TRPM1: variants seen among roughly 807,000 people sequenced by gnomAD.
The protein encoded by TRPM1 is TRPM1-203 APA Isoform, Intron 10.
Under a neutral mutation model 149.4 loss-of-function variants are expected in TRPM1, and 113 were observed. That is an observed-to-expected ratio of 0.76 (90% CI 0.65 to 0.88). The LOEUF is 0.88. TRPM1 is among the 40% of genes least tolerant of loss of function. TRPM1 has a pLI of 0.00. For missense variants in TRPM1, 1,976 were observed against 2,038.7 expected, an observed-to-expected ratio of 0.97 and a Z score of 0.59; for synonymous variants, 741 against 759.5, an observed-to-expected ratio of 0.98 and a Z score of 0.40.
intron 27 of TRPM1, among the ~76,000 whole-genome samples, chr15:31,021,411 CAGG>C (rs1411955572): frequency 1.3e-5 from 2 of 152,128 alleles, no homozygotes; most frequent in Non-Finnish European, 2.9e-5. Flanking sequence ...GCAGGCAATC[CAGG>C]ATGGGGCATG....
At chr15:31,161,032 T>A in exon 1 of TRPM1, 6 of 1,418,248 alleles carry the variant, frequency 4.2e-6, no homozygotes, top group Admixed American at 2.0e-5. Flanking sequence ...GGGGCTGCCC[T>A]CCCTGGGTGG....
At chr15:31,129,359 C>G (rs369649548) in intron 1 of TRPM1, among the ~76,000 whole-genome samples, 13 of 152,322 alleles carry the variant, frequency 8.5e-5, no homozygotes, top group African/African-American at 3.1e-4. Flanking sequence ...GCCCTTTCCA[C>G]TTTGGGTCAT....
intron 1 of TRPM1, among the ~76,000 whole-genome samples, chr15:31,135,681 A>G (rs1338502169): frequency 6.6e-6 from 1 of 152,080 alleles, no homozygotes; most frequent in African/African-American, 2.4e-5. Context: ...TGGTGCCGTC[A>G]TCCTTGCAGT....
chr15:31,150,854 C>T (rs1165401526), intron 1 of TRPM1, among the ~76,000 whole-genome samples: 1 of 152,138 alleles, frequency 6.6e-6, no homozygotes, highest in African/African-American at 2.4e-5. Flanking sequence ...GTGACTTGCC[C>T]AGACATGCCT....
intron 1 of TRPM1, among the ~76,000 whole-genome samples, chr15:31,132,102 G>A (rs371898215): frequency 9.2e-5 from 14 of 152,152 alleles, no homozygotes; most frequent in Non-Finnish European, 1.8e-4. Flanking sequence ...GGGCCATTAC[G>A]CGGATTACCC....
intron 1 of TRPM1, among the ~76,000 whole-genome samples, chr15:31,127,784 C>T (rs538606051): frequency 2.0e-5 from 3 of 152,146 alleles, no homozygotes; most frequent in African/African-American, 2.4e-5. Flanking sequence ...GACTGTGAAA[C>T]GAGGGCAGCC....
At chr15:31,090,356 G>A (rs1321738866) in intron 1 of TRPM1, among the ~76,000 whole-genome samples, 1 of 152,084 alleles carries the variant, frequency 6.6e-6, no homozygotes, top group African/African-American at 2.4e-5. Context: ...CTGCATCCTG[G>A]GGCTGGGCGT....
chr15:31,138,605 C>T (rs2036120485), intron 1 of TRPM1, among the ~76,000 whole-genome samples: 1 of 152,086 alleles, frequency 6.6e-6, no homozygotes, highest in Non-Finnish European at 1.5e-5. Flanking sequence ...CACCTGTAAT[C>T]CCAGCACTTT....
Position 31,130,842 on chromosome 15 carries a change from G to C in TRPM1, c.54+30064C>G, listed in dbSNP as rs112264283. On this transcript the variant is annotated intron_variant, in intron 1 of 26. Transcript: ENST00000542188. ...TTATCCTTAAAAGACCCTAGTCTCCGAATGTTCAGGGAGACTGATTTGAGT... is the reference window on the plus strand; with the variant it reads ...TTATCCTTAAAAGACCCTAGTCTCCCAATGTTCAGGGAGACTGATTTGAGT... 1.8e-4 allele frequency among the ~76,000 whole-genome samples: 27 copies of C among 152,232 alleles called. 2 individuals carry two copies. In the South Asian group the frequency reaches 5.6e-3, roughly 32 times the overall value.
intron 21 of TRPM1, among the ~76,000 whole-genome samples, chr15:31,034,929 C>T (rs1259779524): frequency 6.6e-6 from 1 of 152,222 alleles, no homozygotes; most frequent in Non-Finnish European, 1.5e-5. Context: ...AAGATGTATA[C>T]ATCTTAAATA....
chr15:31,120,988 G>A (rs2035867636), intron 1 of TRPM1, among the ~76,000 whole-genome samples: 2 of 152,106 alleles, frequency 1.3e-5, no homozygotes, highest in Non-Finnish European at 2.9e-5. Context: ...CAGCACTTTG[G>A]GAGGTCAAGG....
chr15:31,062,021 C>T (rs1055468890), intron 9 of TRPM1, among the ~76,000 whole-genome samples: 3 of 152,098 alleles, frequency 2.0e-5, no homozygotes, highest in Admixed American at 1.3e-4. Flanking sequence ...CCGTGGGGTG[C>T]CTGCCTGCAT....
chr15:31,125,611 TC>T (rs1180287768), intron 1 of TRPM1, among the ~76,000 whole-genome samples: 3 of 145,268 alleles, frequency 2.1e-5, no homozygotes, highest in Non-Finnish European at 4.5e-5. Flanking sequence ...GCGCCTGTAG[TC>T]CCAGCTACTT....
rs148785183 is a variant in TRPM1, at chr15:31,007,436, C to T, written c.3630-4366G>A. 3.4e-3 allele frequency among the ~76,000 whole-genome samples: 523 copies of T among 152,262 alleles called. 5 individuals carry two copies. The highest frequency in any genetic ancestry group is 0.012 in the African/African-American group (490 of 41,530). ...CTTAAAACTGGATAGTGTGATTCCT[C>T]TAATGTTATTCTTCTTTTTCAAAAT... On this transcript the variant is annotated intron_variant, in intron 27 of 27. Transcript: ENST00000256552.
intron 1 of TRPM1, among the ~76,000 whole-genome samples, chr15:31,124,283 T>TATTAATAA (rs1567068791): frequency 1.3e-5 from 2 of 151,436 alleles, no homozygotes; most frequent in African/African-American, 4.9e-5. Context: ...AGACTCCGTC[T>TATTAATAA]ATAAATAAAT....
chr15:31,016,998 A>T (rs1163321813), intron 27 of TRPM1, among the ~76,000 whole-genome samples: 8 of 145,880 alleles, frequency 5.5e-5, no homozygotes, highest in Admixed American at 5.5e-4. Context: ...CAAAAAAAAA[A>T]CTTGTTTTTT....
At chr15:31,011,864 A>G (rs1355544137) in intron 27 of TRPM1, among the ~76,000 whole-genome samples, 1 of 152,086 alleles carries the variant, frequency 6.6e-6, no homozygotes, top group African/African-American at 2.4e-5. Flanking sequence ...GGGTTTCACT[A>G]TGTTGGCCAG....
chr15:31,115,965 C>T (rs955102552), intron 1 of TRPM1, among the ~76,000 whole-genome samples: 3 of 151,862 alleles, frequency 2.0e-5, no homozygotes, highest in African/African-American at 4.8e-5. Flanking sequence ...GTGGAAGGAG[C>T]GAGATAGCTC....
intron 1 of TRPM1, among the ~76,000 whole-genome samples, chr15:31,090,171 C>G (rs184189345): frequency 6.6e-6 from 1 of 152,284 alleles, no homozygotes; most frequent in East Asian, 1.9e-4. Context: ...AGCACACATG[C>G]TCTCGTAAAG....
Sources: allele counts gnomAD v4.1 joint callset (sites outside exome capture counted in the v4.1 genomes callset), GRCh38; gene constraint gnomAD v4.1.1; transcripts MANE v1.5; gene names NCBI Gene and HGNC (gene_info 2026-07-23, HGNC 2026-07-21).